KLF13: variants seen among roughly 807,000 people sequenced by gnomAD.
KLF13 encodes the protein KLF transcription factor 13.
In KLF13, 8 loss-of-function variants were observed where a neutral mutation model predicts 16.7. That is an observed-to-expected ratio of 0.48 (90% CI 0.28 to 0.87). KLF13 has a LOEUF of 0.87. KLF13 is among the 40% of genes least tolerant of loss of function. KLF13 has a pLI of 0.10. For missense variants in KLF13, 447 were observed against 452.2 expected (o/e 0.99, Z 0.10); for synonymous variants, 245 against 208.4 (o/e 1.18, Z -1.51).
intron 2 of KLF13, among the ~76,000 whole-genome samples, chr15:31,394,199 G>A (rs2039919660): frequency 6.6e-6 from 1 of 152,122 alleles, no homozygotes; most frequent in Admixed American, 6.5e-5. Context: ...TATTTTGGCC[G>A]GGCGCGGTGG....
chr15:31,404,234 C>T (rs528122219), exon 3 of KLF13: 16 of 152,226 alleles, frequency 1.1e-4, no homozygotes, highest in African/African-American at 3.6e-4. Flanking sequence ...CACTGGAGCC[C>T]CGTAAGTGTG....
intron 1 of KLF13, among the ~76,000 whole-genome samples, chr15:31,336,839 C>T (rs2038937785): frequency 6.6e-6 from 1 of 152,082 alleles, no homozygotes; most frequent in Non-Finnish European, 1.5e-5. Context: ...CTGCTCAAAG[C>T]CAGGATCTGG....
At chr15:31,382,130 C>T (rs759226316), downstream of KLF13, among the ~76,000 whole-genome samples, 1 of 152,232 alleles carries the variant, frequency 6.6e-6, no homozygotes, top group African/African-American at 2.4e-5. Context: ...CAGGCCTCCA[C>T]TCTCACATGC....
chr15:31,397,227 G>A (rs2039964786), intron 2 of KLF13, among the ~76,000 whole-genome samples: 1 of 145,368 alleles, frequency 6.9e-6, no homozygotes, highest in Admixed American at 6.7e-5. Flanking sequence ...AGGGTGGGGC[G>A]GGGTGGGGTG....
chr15:31,340,574 TG>T (rs1291215729), intron 1 of KLF13, among the ~76,000 whole-genome samples: 1 of 152,250 alleles, frequency 6.6e-6, no homozygotes, highest in Admixed American at 6.5e-5. Flanking sequence ...TTTTTTTTCC[TG>T]GAAAATATAC....
At chr15:31,431,825 C>A (rs1220271296) in intron 1 of KLF13, among the ~76,000 whole-genome samples, 2 of 152,222 alleles carry the variant, frequency 1.3e-5, no homozygotes, top group Non-Finnish European at 2.9e-5. Context: ...CATGCAAACA[C>A]TGCACGATTC....
At chr15:31,379,971 G>C (rs1305765868), downstream of KLF13, among the ~76,000 whole-genome samples, 1 of 152,198 alleles carries the variant, frequency 6.6e-6, no homozygotes, top group African/African-American at 2.4e-5. Context: ...GGCCAAGCCT[G>C]GCAAAGGCTC....
At chr15:31,350,812 T>C (rs576111292) in intron 1 of KLF13, among the ~76,000 whole-genome samples, 1 of 152,352 alleles carries the variant, frequency 6.6e-6, no homozygotes, top group Non-Finnish European at 1.5e-5. Flanking sequence ...AAGCAGGCTC[T>C]TGAGGTGCGC....
intron 1 of KLF13, among the ~76,000 whole-genome samples, chr15:31,369,346 G>C (rs8039782): frequency 3.9e-5 from 6 of 152,182 alleles, no homozygotes; most frequent in Non-Finnish European, 7.3e-5. Flanking sequence ...CAGGGCCTGT[G>C]CTGGGATTAC....
At position 31,375,099 on chromosome 15, in the gene KLF13, C is replaced by G. The variant is rs1416575415; in HGVS notation, c.*2800C>G. 1.3e-5 allele frequency: 2 copies of G among 152,496 alleles called. No individual in the cohort carries two copies. The highest frequency in any genetic ancestry group is 2.9e-5 in the Non-Finnish European group (2 of 68,026). The allele number at this position is 152,496 out of a possible 1,614,324, so 9.4% of individuals were successfully genotyped here. A position where few individuals can be genotyped will look rare whatever the true frequency, so the allele number is the denominator to read the frequency against. On this transcript the variant is annotated 3_prime_UTR_variant, in exon 2 of 2. Coordinates refer to ENST00000307145, the MANE Select transcript of KLF13 (RefSeq NM_015995.4). Reference sequence around the variant, plus strand: ...CCTGGACTGGGAAATGGGGGTAGGGCACCAGGAGAGAAATCCTCCTGGGTA... The same window carrying G: ...CCTGGACTGGGAAATGGGGGTAGGGGACCAGGAGAGAAATCCTCCTGGGTA...
chr15:31,423,107 G>GTATATATACGTATATATACGTATA lies in KLF13; in HGVS notation n.118-12259_118-12258insTATACGTATATATACGTATATATA, dbSNP rs1412478799. Among the ~76,000 whole-genome samples the GTATATATACGTATATATACGTATA allele has an allele frequency of 7.6e-5, 2 of 26,394 alleles. 1 individual carries two copies. The highest frequency in any genetic ancestry group is 8.0e-4 in the African/African-American group (2 of 2,500). 17.3% of individuals were successfully genotyped at this position (26,394 alleles called of 152,430 possible). ...TATATATACGTATATATACGTATACGTATACGTATATATACGTATATATAC... is the reference window on the plus strand; with the variant it reads ...TATATATACGTATATATACGTATACGTATATATACGTATATATACGTATATATACGTATATATACGTATATATAC... On this transcript the variant is annotated intron_variant and non_coding_transcript_variant, in intron 1 of 1. Coordinates refer to the KLF13 transcript ENST00000558225.
intron 1 of KLF13, among the ~76,000 whole-genome samples, chr15:31,415,805 T>A (rs994948429): frequency 1.3e-5 from 2 of 151,146 alleles, no homozygotes; most frequent in African/African-American, 4.9e-5. Context: ...AAATAGAGAA[T>A]AAAAAACAAT....
At chr15:31,332,080 T>C (rs1339675279) in intron 1 of KLF13, among the ~76,000 whole-genome samples, 1 of 152,124 alleles carries the variant, frequency 6.6e-6, no homozygotes. Flanking sequence ...TATTACAAGT[T>C]GTGTAGTAGT....
chr15:31,384,669 C>G (rs183841241), intron 1 of KLF13, among the ~76,000 whole-genome samples: 7 of 152,334 alleles, frequency 4.6e-5, no homozygotes, highest in Admixed American at 3.3e-4. Flanking sequence ...CACCAACATT[C>G]ATGAGCGTAC....
exon 3 of KLF13, chr15:31,404,443 A>G (rs143334133): frequency 6.6e-6 from 1 of 152,376 alleles, no homozygotes; most frequent in Non-Finnish European, 1.5e-5. Context: ...AAACGCACCA[A>G]TCAGCTCTCT....
In KLF13 at chr15:31,327,800, C is replaced by A. The variant is rs761569189; in HGVS notation, c.577+11C>A. Reference sequence around the variant, plus strand: ...TGAGAACTCACACAGGTCAGTGGGGCGGCGCGGGCGCCCGGATCGCGCGGA... The same window carrying A: ...TGAGAACTCACACAGGTCAGTGGGGAGGCGCGGGCGCCCGGATCGCGCGGA... On this transcript the variant is annotated intron_variant, in intron 1 of 1. Transcript: ENST00000307145. 3 of 1,466,218 alleles carry A rather than the reference C, an allele frequency of 2.0e-6. No individual in the cohort carries two copies. Among genetic ancestry groups the A allele is most frequent in the African/African-American group, 1.5e-5 (1 of 68,258 alleles). 90.8% of individuals were successfully genotyped at this position (1,466,218 alleles called of 1,614,324 possible).
At chr15:31,415,457 A>G (rs2040244067) in intron 1 of KLF13, among the ~76,000 whole-genome samples, 1 of 152,236 alleles carries the variant, frequency 6.6e-6, no homozygotes, top group Non-Finnish European at 1.5e-5. Context: ...CCACAATGGA[A>G]TGAAATTAGA....
intron 1 of KLF13, 101 bp from the exon 2 acceptor site, chr15:31,371,909 T>G: frequency 1.6e-6 from 2 of 1,282,600 alleles, no homozygotes; most frequent in Non-Finnish European, 2.1e-6. Flanking sequence ...GTGGGAGGGG[T>G]GTTGAGAGAC....
chr15:31,428,820 A>AAAAAAAAAAAAAAAAAG (rs61521558), intron 1 of KLF13, among the ~76,000 whole-genome samples: 2 of 72,648 alleles, frequency 2.8e-5, no homozygotes, highest in African/African-American at 6.2e-5. Context: ...AAAAAAAAAA[A>AAAAAAAAAAAAAAAAAG]AAAAAGAAAA....
Sources: allele counts gnomAD v4.1 joint callset (sites outside exome capture counted in the v4.1 genomes callset), GRCh38; gene constraint gnomAD v4.1.1; transcripts MANE v1.5; gene names NCBI Gene and HGNC (gene_info 2026-07-23, HGNC 2026-07-21).